Variants in NHEJ1 observed in about 807,000 individuals in gnomAD.
NHEJ1 encodes non-homologous end joining factor 1, also known as non-homologous end-joining factor 1.
A neutral mutation model predicts 39.4 loss-of-function variants in NHEJ1; 22 were observed. The ratio of observed to expected loss-of-function variants is 0.56; its 90% CI spans 0.40 to 0.80. The LOEUF is 0.80. Ranked by LOEUF, NHEJ1 falls within the 30% of genes least tolerant of loss-of-function variation. The probability of loss-of-function intolerance (pLI) is 0.00; values close to 1 mark genes in which losing one functional copy is unlikely to be tolerated. For synonymous variants in NHEJ1, 154 were observed against 135.6 expected (o/e 1.14, Z -0.94); for missense variants, 329 against 357.1 (o/e 0.92, Z 0.63).
intron 3 of NHEJ1, among the ~76,000 whole-genome samples, chr2:219,150,949 C>A (rs1418094407): frequency 1.3e-5 from 2 of 150,850 alleles, no homozygotes; most frequent in Non-Finnish European, 3.0e-5. Context: ...GGGTGAGACT[C>A]CATCTCAAAA....
intron 5 of NHEJ1, among the ~76,000 whole-genome samples, chr2:219,078,639 A>C (rs1949035591): frequency 6.6e-6 from 1 of 152,242 alleles, no homozygotes; most frequent in Non-Finnish European, 1.5e-5. Flanking sequence ...TGGTAATGAC[A>C]GACTGAGAGG....
At chr2:219,158,454 C>G in intron 1 of NHEJ1, 92 bp from the exon 2 acceptor site, 1 of 1,208,578 alleles carries the variant, frequency 8.3e-7, no homozygotes, top group Non-Finnish European at 1.2e-6. Flanking sequence ...ACTAAAATCT[C>G]ATGAAAATCC....
intron 5 of NHEJ1, among the ~76,000 whole-genome samples, chr2:219,080,122 C>A (rs779434015): frequency 6.6e-6 from 1 of 152,168 alleles, no homozygotes; most frequent in Non-Finnish European, 1.5e-5. Flanking sequence ...TAAGCCCTTC[C>A]GCTGTCCTTC....
chr2:219,143,975 C>T (rs1027781266), intron 5 of NHEJ1, among the ~76,000 whole-genome samples: 2 of 152,100 alleles, frequency 1.3e-5, no homozygotes, highest in East Asian at 1.9e-4. Context: ...CCAAGGTGGG[C>T]GGACCACATG....
rs759705748 is a variant in NHEJ1, at chr2:219,126,327, G to A, written c.588+20353C>T. On this transcript the variant is annotated intron_variant, in intron 5 of 7. Transcript: ENST00000356853. ...TTTCTACCTATTACTTGTGCAACTC[G>A]AGGCCGTTCAATTTCTCTGAGCCAA... Among the ~76,000 whole-genome samples, 54 of 152,186 alleles carry A rather than the reference G, an allele frequency of 3.5e-4. 1 individual carries two copies. The highest frequency in any genetic ancestry group is 1.7e-4 in the African/African-American group (7 of 41,438).
chr2:219,147,372 C>T (rs556749004), intron 4 of NHEJ1, among the ~76,000 whole-genome samples: 2 of 152,306 alleles, frequency 1.3e-5, no homozygotes, highest in East Asian at 3.9e-4. Context: ...ATCCCAGCTA[C>T]TCGGGAGGCT....
At position 219,075,055 on chromosome 2, in the gene NHEJ1, G is replaced by A. The variant is rs998018832; in HGVS notation, c.*1326C>T. Reference sequence around the variant, plus strand: ...ATAAGGAGGTTTACAGTGGGAGACTGGAAAGAAGAACCTAATGTCCTTTCT... The same window carrying A: ...ATAAGGAGGTTTACAGTGGGAGACTAGAAAGAAGAACCTAATGTCCTTTCT... On this transcript the variant is annotated 3_prime_UTR_variant, in exon 8 of 8. Transcript: ENST00000356853. Among the ~76,000 whole-genome samples, 2 of 152,164 alleles carry A rather than the reference G, an allele frequency of 1.3e-5. No homozygotes were observed. Among genetic ancestry groups the A allele is most frequent in the African/African-American group, 4.8e-5 (2 of 41,432 alleles).
At chr2:219,098,028 C>T (rs1023672333) in intron 5 of NHEJ1, among the ~76,000 whole-genome samples, 8 of 152,110 alleles carry the variant, frequency 5.3e-5, no homozygotes, top group Non-Finnish European at 1.2e-4. Context: ...GAAAGTATGT[C>T]GAGAAGGACT....
At chr2:219,151,453 C>T (rs962227233) in intron 3 of NHEJ1, among the ~76,000 whole-genome samples, 3 of 152,148 alleles carry the variant, frequency 2.0e-5, no homozygotes, top group African/African-American at 7.2e-5. Context: ...CCACATCAGG[C>T]AACTGAAATT....
chr2:219,145,295 T>C (rs1389377835), intron 5 of NHEJ1, among the ~76,000 whole-genome samples: 1 of 152,202 alleles, frequency 6.6e-6, no homozygotes, highest in African/African-American at 2.4e-5. Flanking sequence ...CAATACAAGT[T>C]TTCCTTCTTC....
In NHEJ1 at chr2:219,072,607, G is replaced by T. The variant is rs1948971758; in HGVS notation, c.*3774C>A. On this transcript the variant is annotated 3_prime_UTR_variant, in exon 8 of 8. Transcript: ENST00000356853. ...CTGAAGTGATATTTTCTGAGTTAGG[G>T]TTAAAACTGACCCTGTTCTCAAAGA... Among the ~76,000 whole-genome samples the T allele has an allele frequency of 6.7e-6, 1 of 148,362 alleles. No homozygotes were observed. The highest frequency in any genetic ancestry group is 2.1e-4 in the South Asian group (1 of 4,822).
rs1949012126 is a variant in NHEJ1 at position 219,076,237 on chromosome 2, C to T, written c.*144G>A. 3 of 1,539,576 alleles carry T rather than the reference C, an allele frequency of 1.9e-6. No homozygotes were observed. The highest frequency in any genetic ancestry group is 2.0e-5 in the Admixed American group (1 of 50,834). Reference sequence around the variant, plus strand: ...GGCCAATTCCCTGTGGGCCTGTCAACATCAACTTCAGTTCTCTCGCCCTTA... The same window carrying T: ...GGCCAATTCCCTGTGGGCCTGTCAATATCAACTTCAGTTCTCTCGCCCTTA... On this transcript the variant is annotated 3_prime_UTR_variant, in exon 8 of 8. Transcript: ENST00000356853.
chr2:219,148,757 A>C (rs1220513603), intron 3 of NHEJ1, among the ~76,000 whole-genome samples: 1 of 152,330 alleles, frequency 6.6e-6, no homozygotes, highest in East Asian at 1.9e-4. Flanking sequence ...ATAGCCCAGA[A>C]GGACCCTGGA....
At chr2:219,083,348 CA>C in intron 5 of NHEJ1, among the ~76,000 whole-genome samples, 1 of 150,906 alleles carries the variant, frequency 6.6e-6, no homozygotes, top group Middle Eastern at 3.4e-3. Flanking sequence ...GGCTGAGAGT[CA>C]GAAGGAAAGA....
chr2:219,124,201 G>A (rs928556236), intron 5 of NHEJ1, among the ~76,000 whole-genome samples: 1 of 152,118 alleles, frequency 6.6e-6, no homozygotes, highest in Non-Finnish European at 1.5e-5. Flanking sequence ...AAAGAGGTGA[G>A]GAACTGGGAG....
At chr2:219,117,276 C>T (rs1293749344) in intron 5 of NHEJ1, among the ~76,000 whole-genome samples, 2 of 152,254 alleles carry the variant, frequency 1.3e-5, no homozygotes, top group African/African-American at 2.4e-5. Flanking sequence ...TGAAATCCCA[C>T]GAAAGAACAG....
In NHEJ1 at chr2:219,073,680, A is replaced by G. The variant is rs1015570568; in HGVS notation, c.*2701T>C. On this transcript the variant is annotated 3_prime_UTR_variant, in exon 8 of 8. Coordinates refer to ENST00000356853, the MANE Select transcript of NHEJ1 (RefSeq NM_024782.3). ...CTGGCTTGCTCGTGTAAACCACCTT[A>G]TATTATTTTTTTTTCTAAAAATACT... is the stretch of plus-strand genomic sequence containing the variant. Among the ~76,000 whole-genome samples the G allele has an allele frequency of 2.0e-5, 3 of 152,100 alleles. No individual in the cohort carries two copies. The highest frequency in any genetic ancestry group is 2.1e-4 in the South Asian group (1 of 4,832).
intron 5 of NHEJ1, among the ~76,000 whole-genome samples, chr2:219,118,798 C>T (rs550584832): frequency 1.8e-4 from 27 of 152,210 alleles, no homozygotes; most frequent in Non-Finnish European, 2.4e-4. Flanking sequence ...GACAGCCCGG[C>T]GGGCTTATGA....
In NHEJ1 at chr2:219,073,736, C is replaced by G. The variant is rs1449899605; in HGVS notation, c.*2645G>C. Among the ~76,000 whole-genome samples, 1 of 152,256 alleles carries G rather than the reference C, an allele frequency of 6.6e-6. No homozygotes were observed. Among genetic ancestry groups the G allele is most frequent in the Non-Finnish European group, 1.5e-5 (1 of 68,044 alleles). ...GCAATTGAAAGAGTCCCTTCTCCCACCAGCCAGCCCTGGCCCCAGCCCCAG... is the reference window on the plus strand; with the variant it reads ...GCAATTGAAAGAGTCCCTTCTCCCAGCAGCCAGCCCTGGCCCCAGCCCCAG... On this transcript the variant is annotated 3_prime_UTR_variant, in exon 8 of 8. Transcript: ENST00000356853.
Sources: gnomAD v4.1 joint callset for allele counts (sites outside exome capture counted in the v4.1 genomes callset) on GRCh38, gnomAD v4.1.1 for gene constraint, MANE v1.5 for transcripts, NCBI Gene and HGNC (gene_info 2026-07-23, HGNC 2026-07-21) for gene names.